Variants in ENTPD1 observed in about 807,000 individuals in gnomAD.
The protein encoded by ENTPD1 is ectonucleoside triphosphate diphosphohydrolase 1, also known as ATP diphosphohydrolase.
ENTPD1 carries 33 observed loss-of-function variants against 57.0 expected under a neutral mutation model. That is an observed-to-expected ratio of 0.58 (90% CI 0.44 to 0.77). The LOEUF (loss-of-function observed/expected upper bound fraction) is 0.77. Among genes scored for constraint, ENTPD1 ranks in the 30% least tolerant of loss-of-function variants. ENTPD1 has a pLI of 0.00. For synonymous variants in ENTPD1, 202 were observed against 218.8 expected, an observed-to-expected ratio of 0.92 and a Z score of 0.68; for missense variants, 501 against 603.4, an observed-to-expected ratio of 0.83 and a Z score of 1.78.
intron 1 of ENTPD1, among the ~76,000 whole-genome samples, chr10:95,778,490 T>G: frequency 6.6e-6 from 1 of 152,234 alleles, no homozygotes; most frequent in East Asian, 1.9e-4. Context: ...GATTTTTTTC[T>G]TAATATCCAG....
chr10:95,851,909 T>C (rs1415154997), intron 7 of ENTPD1, among the ~76,000 whole-genome samples: 1 of 152,174 alleles, frequency 6.6e-6, no homozygotes, highest in Non-Finnish European at 1.5e-5. Flanking sequence ...TGTGTCTTTA[T>C]AGCAGCATGA....
intron 1 of ENTPD1, among the ~76,000 whole-genome samples, chr10:95,747,739 C>T (rs1376892600): frequency 6.6e-6 from 1 of 152,146 alleles, no homozygotes; most frequent in Non-Finnish European, 1.5e-5. Flanking sequence ...CTAAGGAAAC[C>T]TTGATATTGC....
rs1329113955 is a variant in ENTPD1, at chr10:95,750,639, G to T, written c.37+38646G>T. Reference sequence around the variant, plus strand: ...GCAATGCAAAAATGGCCTAACACAGGGGACCAGATATTTGAGTCATGAAAG... The same window carrying T: ...GCAATGCAAAAATGGCCTAACACAGTGGACCAGATATTTGAGTCATGAAAG... On this transcript the variant is annotated intron_variant, in intron 1 of 9. Coordinates refer to the ENTPD1 transcript ENST00000453258. Among the ~76,000 whole-genome samples the T allele has an allele frequency of 2.6e-5, 4 of 152,106 alleles. No homozygotes were observed. The East Asian group carries it at 7.7e-4, about 29-fold the overall frequency.
chr10:95,866,169 G>A lies in ENTPD1; in HGVS notation c.1327-8G>A. The A allele has an allele frequency of 6.2e-7, 1 of 1,612,154 alleles. No individual in the cohort carries two copies. The highest frequency in any genetic ancestry group is 8.5e-7 in the Non-Finnish European group (1 of 1,179,034). On this transcript the variant is annotated splice_polypyrimidine_tract_variant and splice_region_variant and intron_variant, in intron 9 of 9. Transcript: ENST00000371205. ...CAACCACAAACAGACTTTCCCCACT[G>A]TTTGCAGATCCAGGGCAGCGACGCC...
intron 7 of ENTPD1, among the ~76,000 whole-genome samples, chr10:95,851,526 C>T (rs377752213): frequency 6.6e-6 from 1 of 151,540 alleles, no homozygotes; most frequent in African/African-American, 2.4e-5. Context: ...GTGTGCTGCA[C>T]CCATTAACTC....
At chr10:95,708,551 A>T (rs1250503580), upstream of ENTPD1, among the ~76,000 whole-genome samples, 1 of 152,252 alleles carries the variant, frequency 6.6e-6, no homozygotes, top group African/African-American at 2.4e-5. Context: ...GGAGAAATCC[A>T]CACAAGTGTA....
chr10:95,778,685 T>TC (rs2098143810), intron 1 of ENTPD1, among the ~76,000 whole-genome samples: 5 of 152,198 alleles, frequency 3.3e-5, no homozygotes, highest in Admixed American at 3.3e-4. Context: ...TATTTTCTGA[T>TC]AGTTTATTTA....
intron 1 of ENTPD1, among the ~76,000 whole-genome samples, chr10:95,803,176 T>A (rs1015553668): frequency 1.3e-5 from 2 of 152,240 alleles, no homozygotes; most frequent in African/African-American, 4.8e-5. Flanking sequence ...ATATGGAATC[T>A]TCCTGTCCAT....
intron 1 of ENTPD1, among the ~76,000 whole-genome samples, chr10:95,768,110 T>C (rs553095484): frequency 2.4e-4 from 36 of 152,346 alleles, no homozygotes; most frequent in South Asian, 1.0e-3. Context: ...ACTTCTGTTG[T>C]TTATAAATGA....
At chr10:95,804,731 G>A (rs554257816) in intron 1 of ENTPD1, among the ~76,000 whole-genome samples, 18 of 152,352 alleles carry the variant, frequency 1.2e-4, no homozygotes, top group Non-Finnish European at 2.5e-4. Context: ...TAGGAGTGGT[G>A]AGAGAGGGCA....
chr10:95,730,428 A>G (rs1294094288), intron 1 of ENTPD1, among the ~76,000 whole-genome samples: 1 of 152,182 alleles, frequency 6.6e-6, no homozygotes, highest in Non-Finnish European at 1.5e-5. Context: ...GAAAAGAGAA[A>G]GGACAAAGAA....
chr10:95,695,938 A>T, the ENTPD1 span, among the ~76,000 whole-genome samples: 1 of 152,104 alleles, frequency 6.6e-6, no homozygotes, highest in Non-Finnish European at 1.5e-5. Flanking sequence ...TTCTTTTTGC[A>T]ACCAATTTAC....
Position 95,845,489 on chromosome 10 carries a change from G to T in ENTPD1, c.706G>T (p.Ala236Ser), listed in dbSNP as rs761933051. 36 of 1,614,062 alleles carry T rather than the reference G, an allele frequency of 2.2e-5. No individual in the cohort carries two copies. Among genetic ancestry groups the T allele is most frequent in the Non-Finnish European group, 2.9e-5 (34 of 1,180,042 alleles). ...CCAGACTATCGAGTCCCCAGATAAT[G>T]CTCTGCAATTTCGCCTCTATGGCAA... ...QNQTIESPDN[A>S]LQFRLYGKDY... The change falls in exon 6 of 10, where the codon GCT becomes TCT. Residue 236 changes from alanine (A) to serine (S), a missense_variant. Ala to Ser is a moderately conservative substitution (Grantham distance 99). Coordinates refer to ENST00000371205, the MANE Select transcript of ENTPD1 (RefSeq NM_001776.6).
At chr10:95,824,732 C>T (rs1197993454) in intron 2 of ENTPD1, among the ~76,000 whole-genome samples, 1 of 152,182 alleles carries the variant, frequency 6.6e-6, no homozygotes, top group Non-Finnish European at 1.5e-5. Flanking sequence ...GAGTTATGTT[C>T]CCAAGAATAT....
In ENTPD1 at chr10:95,876,713, T is replaced by C. The variant is rs898358874; in HGVS notation, c.*10330T>C. The C allele has an allele frequency of 1.8e-6, 2 of 1,121,238 alleles. No homozygotes were observed. Among genetic ancestry groups the C allele is most frequent in the Non-Finnish European group, 2.2e-6 (2 of 895,812 alleles). 69.5% of individuals were successfully genotyped at this position (1,121,238 alleles called of 1,614,324 possible). On this transcript the variant is annotated 3_prime_UTR_variant, in exon 10 of 10. Transcript: ENST00000371205. ...TAAAACTTATTGGAATATTCAAATA[T>C]TAACCAAAGTAGAAAAATATAATAC...
At chr10:95,763,762 C>T (rs554193777) in intron 1 of ENTPD1, among the ~76,000 whole-genome samples, 31 of 152,228 alleles carry the variant, frequency 2.0e-4, no homozygotes, top group African/African-American at 7.2e-4. Context: ...AAAACGAATA[C>T]GGTAAGTGTT....
chr10:95,800,135 T>C (rs1270860167), intron 1 of ENTPD1, among the ~76,000 whole-genome samples: 5 of 152,196 alleles, frequency 3.3e-5, no homozygotes, highest in African/African-American at 1.2e-4. Flanking sequence ...CAGCCCCCAA[T>C]ATTTCAACAT....
At chr10:95,767,075 T>C (rs2098091551) in intron 1 of ENTPD1, among the ~76,000 whole-genome samples, 1 of 151,868 alleles carries the variant, frequency 6.6e-6, no homozygotes, top group African/African-American at 2.4e-5. Context: ...AACAGGGTCT[T>C]GTTATGTTGC....
intron 1 of ENTPD1, among the ~76,000 whole-genome samples, chr10:95,796,738 T>TG (rs1211120000): frequency 6.6e-6 from 1 of 151,886 alleles, no homozygotes; most frequent in Non-Finnish European, 1.5e-5. Context: ...TACCTAGAGG[T>TG]GGGGAGGACT....
Sources: gnomAD v4.1 joint callset for allele counts (sites outside exome capture counted in the v4.1 genomes callset) on GRCh38, gnomAD v4.1.1 for gene constraint, MANE v1.5 for transcripts, NCBI Gene and HGNC (gene_info 2026-07-23, HGNC 2026-07-21) for gene names.